Variants in PPP2R5A observed in about 807,000 individuals in gnomAD.
PPP2R5A encodes serine/threonine-protein phosphatase 2A 56 kDa regulatory subunit alpha isoform.
A neutral mutation model predicts 64.2 loss-of-function variants in PPP2R5A; 25 were observed. That is an observed-to-expected ratio of 0.39 (90% CI 0.28 to 0.54). The LOEUF (loss-of-function observed/expected upper bound fraction) is 0.54, where lower values mean the gene tolerates loss of function less well. PPP2R5A is among the 20% of genes least tolerant of loss of function. The pLI is 0.67. For synonymous variants in PPP2R5A, 198 were observed against 201.2 expected, an observed-to-expected ratio of 0.98 and a Z score of 0.13; for missense variants, 425 against 576.3, an observed-to-expected ratio of 0.74 and a Z score of 2.69.
intron 7 of PPP2R5A, among the ~76,000 whole-genome samples, chr1:212,348,935 T>C (rs1659829442): frequency 6.6e-6 from 1 of 152,180 alleles, no homozygotes; most frequent in South Asian, 2.1e-4. Context: ...TTCAGTTAAC[T>C]TTATAGTCAG....
chr1:212,324,082 A>G (rs1659364441), intron 1 of PPP2R5A, among the ~76,000 whole-genome samples: 1 of 152,168 alleles, frequency 6.6e-6, no homozygotes, highest in Non-Finnish European at 1.5e-5. Flanking sequence ...AAAAAAAAAA[A>G]AAATGTGTAA....
In PPP2R5A at chr1:212,324,064, T is replaced by A. The variant is rs575310111; in HGVS notation, c.182-5071T>A. ...TCCAGCCTGGGCGACAGAACAAGAC[T>A]CCATCTCAAAAAAAAAAAAAATGTG... On this transcript the variant is annotated intron_variant, in intron 1 of 12. Coordinates refer to ENST00000261461, the MANE Select transcript of PPP2R5A (RefSeq NM_006243.4). Among the ~76,000 whole-genome samples, 8 of 148,712 alleles carry A rather than the reference T, an allele frequency of 5.4e-5. No individual in the cohort carries two copies. In the East Asian group the frequency reaches 1.6e-3, roughly 29 times the overall value.
At chr1:212,321,491 G>C (rs1659292134) in intron 1 of PPP2R5A, among the ~76,000 whole-genome samples, 1 of 149,196 alleles carries the variant, frequency 6.7e-6, no homozygotes, top group Admixed American at 6.6e-5. Flanking sequence ...GCCGGGCGGA[G>C]GGGCTCCTCA....
rs187715903 is a variant in PPP2R5A at position 212,344,784 on chromosome 1, T to C, written c.574-1019T>C. 1.0e-3 allele frequency among the ~76,000 whole-genome samples: 157 copies of C among 152,268 alleles called. 1 individual carries two copies. Among genetic ancestry groups the C allele is most frequent in the Non-Finnish European group, 9.6e-4 (65 of 68,016 alleles). On this transcript the variant is annotated intron_variant, in intron 4 of 12. Transcript: ENST00000261461. Reference sequence around the variant, plus strand: ...TTTTGCTGAAAAGTTGTGCAGAATATAGGAGTACACTGATTGGGCCAATTG... The same window carrying C: ...TTTTGCTGAAAAGTTGTGCAGAATACAGGAGTACACTGATTGGGCCAATTG...
Position 212,333,524 on chromosome 1 carries a change from C to T in PPP2R5A, c.406C>T (p.Pro136Ser), listed in dbSNP as rs779415573. 30 of 1,599,556 alleles carry T rather than the reference C, an allele frequency of 1.9e-5. No individual in the cohort carries two copies. The East Asian group carries it at 6.5e-4, about 35-fold the overall frequency. ...MISANIFRTL[P>S]PSDNPDFDPE... ...CAGTGCTAACATCTTCCGTACACTT[C>T]CTCCAAGTGATAATCCAGATTTTGA... The change falls in exon 3 of 13, where the codon CCT becomes TCT. Residue 136 changes from proline to serine, a missense_variant. Around this residue, in one of 4 missense-constraint regions of PPP2R5A, gnomAD observed 140 missense variants for 204.4 expected, o/e 0.68. Coordinates refer to ENST00000261461, the MANE Select transcript of PPP2R5A (RefSeq NM_006243.4).
intron 1 of PPP2R5A, among the ~76,000 whole-genome samples, chr1:212,320,965 G>C (rs1255432579): frequency 3.4e-5 from 3 of 87,252 alleles, no homozygotes; most frequent in Admixed American, 9.9e-5. Flanking sequence ...CCTCCCGGAC[G>C]GGGCGGCTGG....
intron 1 of PPP2R5A, among the ~76,000 whole-genome samples, chr1:212,320,301 G>GTT (rs537726961): frequency 6.3e-4 from 96 of 152,304 alleles, no homozygotes; most frequent in Admixed American, 2.4e-3. Context: ...GCAGAAGAAT[G>GTT]TTTCTTAGTA....
chr1:212,356,091 TC>T (rs1659972916), intron 8 of PPP2R5A, among the ~76,000 whole-genome samples: 2 of 151,974 alleles, frequency 1.3e-5, no homozygotes, highest in Admixed American at 6.6e-5. Context: ...AAAAATAGTC[TC>T]TTTTGTTTCA....
At chr1:212,291,773 TCTA>T (rs1658606343) in intron 1 of PPP2R5A, among the ~76,000 whole-genome samples, 1 of 152,216 alleles carries the variant, frequency 6.6e-6, no homozygotes, top group South Asian at 2.1e-4. Flanking sequence ...ATGGGATGAT[TCTA>T]CTGGTTTATT....
chr1:212,300,932 C>CCAT (rs1658789619), intron 1 of PPP2R5A, among the ~76,000 whole-genome samples: 2 of 152,126 alleles, frequency 1.3e-5, no homozygotes, highest in Non-Finnish European at 2.9e-5. Flanking sequence ...CCCACCACCA[C>CCAT]CATCCCAAAG....
intron 5 of PPP2R5A, among the ~76,000 whole-genome samples, chr1:212,346,183 G>C (rs538773922): frequency 7.3e-5 from 11 of 151,720 alleles, no homozygotes; most frequent in East Asian, 1.9e-4. Context: ...TTGACTTTTA[G>C]TAGAGACAAG....
intron 2 of PPP2R5A, among the ~76,000 whole-genome samples, chr1:212,329,710 G>A (rs946673152): frequency 4.6e-5 from 7 of 152,196 alleles, no homozygotes; most frequent in African/African-American, 9.6e-5. Flanking sequence ...GCAGTGGTGC[G>A]ATCTTGGCTC....
In PPP2R5A at chr1:212,286,100, G is replaced by T; in HGVS notation, c.-11G>T. The T allele has an allele frequency of 6.4e-7, 1 of 1,554,828 alleles. No individual in the cohort carries two copies. On this transcript the variant is annotated 5_prime_UTR_variant, in exon 1 of 13. In the 5' UTR this introduces an upstream ATG that the reference lacks. Transcript: ENST00000261461. ...CAGCAGCCGGAGCTGCCAAGCGTCA[G>T]GGCCGCGGAGATGTCGTCGTCGTCG...
intron 8 of PPP2R5A, among the ~76,000 whole-genome samples, chr1:212,352,454 GTT>G (rs34512493): frequency 2.8e-5 from 4 of 142,518 alleles, no homozygotes; most frequent in East Asian, 4.0e-4. Flanking sequence ...TGTGTTTTGG[GTT>G]TTTTTTTTTT....
Position 212,285,987 on chromosome 1 carries a change from C to T in PPP2R5A, c.-124C>T, listed in dbSNP as rs1281915487. ...TCGGCGGCGTCCCGGGGCCGGAGGG[C>T]CGTGGGGCCGGGGCGCAGGGGCGCG... is the stretch of plus-strand genomic sequence containing the variant. On this transcript the variant is annotated 5_prime_UTR_variant, in exon 1 of 13. Transcript: ENST00000261461. 19 of 1,018,234 alleles carry T rather than the reference C, an allele frequency of 1.9e-5. No homozygotes were observed. The highest frequency in any genetic ancestry group is 2.5e-5 in the Non-Finnish European group (19 of 769,578). 63.1% of individuals were successfully genotyped at this position (1,018,234 alleles called of 1,614,324 possible).
At chr1:212,340,023 C>T (rs543446277) in intron 3 of PPP2R5A, among the ~76,000 whole-genome samples, 126 of 133,880 alleles carry the variant, frequency 9.4e-4, no homozygotes, top group African/African-American at 3.5e-3. Flanking sequence ...AAAAGCCAGG[C>T]ATGGTGGCTT....
chr1:212,316,587 C>CTTTTTTTTTTTTTTTTTTTTTTTTTT (rs751228809), intron 1 of PPP2R5A, among the ~76,000 whole-genome samples: 2 of 36,690 alleles, frequency 5.5e-5, no homozygotes, highest in African/African-American at 8.1e-5. Flanking sequence ...TTGTGGGTGA[C>CTTTTTTTTTTTTTTTTTTTTTTTTTT]TTTTTTTTTT....
At chr1:212,329,975 G>A (rs933680646) in intron 2 of PPP2R5A, among the ~76,000 whole-genome samples, 1 of 152,128 alleles carries the variant, frequency 6.6e-6, no homozygotes, top group Non-Finnish European at 1.5e-5. Context: ...GGAAAGGGAA[G>A]ACCATTGAAA....
At chr1:212,337,858 G>A (rs895045644) in intron 3 of PPP2R5A, among the ~76,000 whole-genome samples, 2 of 152,000 alleles carry the variant, frequency 1.3e-5, no homozygotes, top group Non-Finnish European at 2.9e-5. Context: ...CTCATCCCAG[G>A]CAATGTTCTT....
Sources: allele counts gnomAD v4.1 joint callset (sites outside exome capture counted in the v4.1 genomes callset), GRCh38; gene constraint gnomAD v4.1.1; regional missense constraint gnomAD v4.1.1; transcripts MANE v1.5; gene names NCBI Gene and HGNC (gene_info 2026-07-23, HGNC 2026-07-21).